OPCML: variants seen among roughly 807,000 people sequenced by gnomAD.
The protein encoded by OPCML is opioid-binding protein/cell adhesion molecule.
A neutral mutation model predicts 37.8 loss-of-function variants in OPCML; 13 were observed. The observed-to-expected ratio is 0.34, with a 90% confidence interval of 0.22 to 0.55. The LOEUF is 0.55. Among genes scored for constraint, OPCML ranks in the 20% least tolerant of loss-of-function variants. The pLI is 0.91. For synonymous variants in OPCML, 176 were observed against 168.8 expected, an observed-to-expected ratio of 1.04 and a Z score of -0.33; for missense variants, 341 against 435.6, an observed-to-expected ratio of 0.78 and a Z score of 1.93.
chr11:132,893,082 T>G (rs569310383), intron 2 of OPCML, among the ~76,000 whole-genome samples: 7 of 152,324 alleles, frequency 4.6e-5, no homozygotes, highest in Admixed American at 3.9e-4. Context: ...CCCTTGTTTT[T>G]GAAATCGTCA....
At chr11:133,419,324 G>A (rs1945834370) in intron 1 of OPCML, 6 of 985,292 alleles carry the variant, frequency 6.1e-6, no homozygotes, top group Non-Finnish European at 7.2e-6. Flanking sequence ...AAATAGGCAT[G>A]AATCTCAGGT....
chr11:133,163,760 C>G (rs1258143355), intron 1 of OPCML, among the ~76,000 whole-genome samples: 1 of 152,198 alleles, frequency 6.6e-6, no homozygotes, highest in Non-Finnish European at 1.5e-5. Flanking sequence ...TTCCTGTCTC[C>G]TTTAATTCCG....
At chr11:133,049,992 C>T (rs1948100819) in intron 1 of OPCML, among the ~76,000 whole-genome samples, 1 of 152,198 alleles carries the variant, frequency 6.6e-6, no homozygotes, top group African/African-American at 2.4e-5. Flanking sequence ...AATCCCTCAC[C>T]AGTTGACTTT....
At chr11:133,124,149 T>G (rs1949462732) in intron 1 of OPCML, among the ~76,000 whole-genome samples, 1 of 148,696 alleles carries the variant, frequency 6.7e-6, no homozygotes. Context: ...CTCCCATACT[T>G]AAGCCATACC....
At chr11:133,280,874 G>A (rs1445029710) in intron 1 of OPCML, among the ~76,000 whole-genome samples, 1 of 152,180 alleles carries the variant, frequency 6.6e-6, no homozygotes, top group African/African-American at 2.4e-5. Flanking sequence ...CAAATGGTGA[G>A]AAAGAAAGTT....
chr11:132,850,503 A>T (rs1941757236), intron 2 of OPCML, among the ~76,000 whole-genome samples: 1 of 146,720 alleles, frequency 6.8e-6, no homozygotes, highest in Non-Finnish European at 1.5e-5. Context: ...TTATGATTCT[A>T]CACTGTGGAA....
chr11:133,341,402 G>A (rs974550048), intron 1 of OPCML, among the ~76,000 whole-genome samples: 1 of 152,124 alleles, frequency 6.6e-6, no homozygotes. Flanking sequence ...TCCTTGAGTC[G>A]CCTTGACATG....
At chr11:132,789,894 C>A (rs923571029) in intron 2 of OPCML, among the ~76,000 whole-genome samples, 2 of 152,078 alleles carry the variant, frequency 1.3e-5, no homozygotes, top group African/African-American at 4.8e-5. Context: ...ATCTAACACA[C>A]CTTATGCAGC....
chr11:132,669,112 A>G (rs898454412), intron 2 of OPCML, among the ~76,000 whole-genome samples: 1 of 152,156 alleles, frequency 6.6e-6, no homozygotes, highest in Non-Finnish European at 1.5e-5. Flanking sequence ...AATTGTGCAC[A>G]CCTGAAGCAG....
intron 1 of OPCML, among the ~76,000 whole-genome samples, chr11:133,368,206 G>A (rs914330101): frequency 6.7e-6 from 1 of 148,244 alleles, no homozygotes; most frequent in Non-Finnish European, 1.5e-5. Flanking sequence ...AAAGGTAGAA[G>A]GAGGAAGAGG....
intron 3 of OPCML, among the ~76,000 whole-genome samples, chr11:132,627,263 T>C (rs1347403762): frequency 6.6e-6 from 1 of 152,180 alleles, no homozygotes; most frequent in African/African-American, 2.4e-5. Context: ...CACTAACCTG[T>C]AGGTGAAATG....
At chr11:133,157,053 G>A (rs183919103) in intron 1 of OPCML, among the ~76,000 whole-genome samples, 19 of 151,784 alleles carry the variant, frequency 1.3e-4, no homozygotes, top group Non-Finnish European at 1.9e-4. Context: ...GCTGGGCTCC[G>A]GCTACATTTG....
intron 2 of OPCML, among the ~76,000 whole-genome samples, chr11:132,897,829 A>C (rs1943906528): frequency 6.6e-6 from 1 of 152,162 alleles, no homozygotes; most frequent in Non-Finnish European, 1.5e-5. Flanking sequence ...ATGATTAGAA[A>C]ATTGGTGGCA....
chr11:132,611,931 T>C (rs1021317440), intron 3 of OPCML, among the ~76,000 whole-genome samples: 2 of 152,248 alleles, frequency 1.3e-5, no homozygotes, highest in Admixed American at 6.5e-5. Flanking sequence ...CCAAGACTCA[T>C]TTACAGTAGC....
intron 1 of OPCML, chr11:133,025,534 G>T: frequency 5.5e-6 from 5 of 917,088 alleles, no homozygotes; most frequent in Non-Finnish European, 6.5e-6. Flanking sequence ...TGAAAGCAAA[G>T]CTGAAAATTT....
At chr11:132,661,779 G>A (rs1024620924) in intron 2 of OPCML, among the ~76,000 whole-genome samples, 10 of 152,168 alleles carry the variant, frequency 6.6e-5, no homozygotes, top group African/African-American at 2.4e-4. Context: ...TGCTTGTACT[G>A]CACCAGGCAT....
At chr11:133,452,598 G>A (rs1591516158) in intron 1 of OPCML, among the ~76,000 whole-genome samples, 1 of 151,428 alleles carries the variant, frequency 6.6e-6, no homozygotes. Context: ...GATTGCTTGA[G>A]CCCAGGAGTT....
chr11:132,608,779 T>C (rs145304371), intron 3 of OPCML, among the ~76,000 whole-genome samples: 1,641 of 152,264 alleles, frequency 0.011, 23 homozygotes, highest in Non-Finnish European at 0.015. Context: ...TCAGTAGATA[T>C]ACAGGTATTC....
At chr11:133,268,035 G>A (rs973419687) in intron 1 of OPCML, among the ~76,000 whole-genome samples, 1 of 152,132 alleles carries the variant, frequency 6.6e-6, no homozygotes, top group Non-Finnish European at 1.5e-5. Flanking sequence ...AGTTCCTTCT[G>A]TGTGATCTCA....
Sources: gnomAD v4.1 joint callset for allele counts (sites outside exome capture counted in the v4.1 genomes callset) on GRCh38, gnomAD v4.1.1 for gene constraint, MANE v1.5 for transcripts, NCBI Gene and HGNC (gene_info 2026-07-23, HGNC 2026-07-21) for gene names.